SLC4A1: variants seen among roughly 807,000 people sequenced by gnomAD.
The protein encoded by SLC4A1 is solute carrier family 4 member 1 (Diego blood group), also known as band 3 anion transport protein.
A neutral mutation model predicts 93.1 loss-of-function variants in SLC4A1; 29 were observed. The observed-to-expected ratio is 0.31, with a 90% CI of 0.23 to 0.42. The LOEUF is 0.42. Ranked by LOEUF, SLC4A1 falls within the 20% of genes least tolerant of loss-of-function variation. The pLI is 1.00. For synonymous variants in SLC4A1, 469 were observed against 497.2 expected (o/e 0.94, Z 0.76); for missense variants, 965 against 1,190.1 (o/e 0.81, Z 2.78).
At chr17:44,253,691 T>C (rs909215820) in intron 16 of SLC4A1, among the ~76,000 whole-genome samples, 9 of 152,080 alleles carry the variant, frequency 5.9e-5, no homozygotes, top group Non-Finnish European at 8.8e-5. Flanking sequence ...TTCTTTTTTT[T>C]CCTAGAGTCT....
At chr17:44,253,631 A>G (rs1367167114) in intron 16 of SLC4A1, among the ~76,000 whole-genome samples, 1 of 151,382 alleles carries the variant, frequency 6.6e-6, no homozygotes, top group Non-Finnish European at 1.5e-5. Context: ...AGGCCCCTCC[A>G]AGATCCAGCA....
chr17:44,255,402 C>A, intron 14 of SLC4A1, 106 bp from the exon 15 acceptor site: 1 of 859,414 alleles, frequency 1.2e-6, no homozygotes, highest in South Asian at 1.5e-5. Context: ...CCAGGGGATC[C>A]ATCAGCATCT....
intron 7 of SLC4A1, 21 bp from the exon 8 acceptor site, chr17:44,259,602 A>G (rs750076925): frequency 6.3e-7 from 1 of 1,598,330 alleles, no homozygotes; most frequent in Non-Finnish European, 8.6e-7. Flanking sequence ...GAGGGTGGTG[A>G]CGGGAGTCCT....
chr17:44,258,894 G>A lies in SLC4A1; in HGVS notation c.876+269C>T, dbSNP rs946911868. Among the ~76,000 whole-genome samples the A allele has an allele frequency of 1.3e-5, 2 of 152,112 alleles. No individual in the cohort carries two copies. Among genetic ancestry groups the A allele is most frequent in the African/African-American group, 2.4e-5 (1 of 41,400 alleles). Reference sequence around the variant, plus strand: ...GATGAAACTAGAGCTGACTAGGCCCGACCAAGCCTGACCTGACCAGGTGGA... The same window carrying A: ...GATGAAACTAGAGCTGACTAGGCCCAACCAAGCCTGACCTGACCAGGTGGA... On this transcript the variant is annotated intron_variant, in intron 9 of 19. Transcript: ENST00000262418. This position sits in a 1 kb window ranked among gnomAD's most constrained non-coding sequence, Gnocchi z 6.1.
At position 44,259,190 on chromosome 17, in the gene SLC4A1, C is replaced by G; in HGVS notation, c.849G>C (p.Arg283=). ...APHIDYTQLG[R]AAATLMSERV... The stretch of plus-strand genomic sequence containing the variant: ...TCTCTGACATGAGGGTGGCAGCAGC[C>G]CGGCCAAGCTGGGTGTAATCGATGT... Residue 283 remains arginine, a synonymous_variant, in exon 9 of 20, where the codon CGG becomes CGC. Coordinates refer to ENST00000262418, the MANE Select transcript of SLC4A1 (RefSeq NM_000342.4). The G allele has an allele frequency of 6.2e-7, 1 of 1,614,028 alleles. No individual in the cohort carries two copies. Among genetic ancestry groups the G allele is most frequent in the South Asian group, 1.1e-5 (1 of 91,082 alleles).
chr17:44,267,953 G>T, intron 1 of SLC4A1, 101 bp downstream of exon 1: 1 of 554,304 alleles, frequency 1.8e-6, no homozygotes, highest in Non-Finnish European at 2.3e-6. Flanking sequence ...TTGGAGGTCA[G>T]GAGCCTGGCC....
At chr17:44,255,906 C>G in intron 13 of SLC4A1, 60 bp from the exon 14 acceptor site, 1 of 1,517,924 alleles carries the variant, frequency 6.6e-7, no homozygotes, top group Non-Finnish European at 9.2e-7. Context: ...CTGGAAAATA[C>G]CACCAGCTAA....
At chr17:44,266,291 C>G (rs2047495486) in intron 1 of SLC4A1, among the ~76,000 whole-genome samples, 1 of 152,210 alleles carries the variant, frequency 6.6e-6, no homozygotes, top group South Asian at 2.1e-4. Flanking sequence ...CATCTTTATT[C>G]ACTTTCTTCC....
chr17:44,268,130 C>A lies in SLC4A1; in HGVS notation c.-145G>T. 2.0e-6 allele frequency: 2 copies of A among 985,384 alleles called. No individual in the cohort carries two copies. The highest frequency in any genetic ancestry group is 1.7e-5 in the African/African-American group (1 of 57,316). 61.0% of individuals were successfully genotyped at this position (985,384 alleles called of 1,614,324 possible). On this transcript the variant is annotated 5_prime_UTR_variant, in exon 1 of 20. Coordinates refer to ENST00000262418, the MANE Select transcript of SLC4A1 (RefSeq NM_000342.4). ...CTCTGCGACCAGCTACGTTCCCACT[C>A]GTTCTGACAGCACCAGCGCCCCAGG...
chr17:44,263,174 G>A (rs1760350745), intron 1 of SLC4A1, among the ~76,000 whole-genome samples: 1 of 152,154 alleles, frequency 6.6e-6, no homozygotes, highest in Non-Finnish European at 1.5e-5. Flanking sequence ...CACCAGCGAA[G>A]GATGTTTGGG....
At chr17:44,256,337 G>T (rs1013415350) in intron 13 of SLC4A1, among the ~76,000 whole-genome samples, 1 of 152,228 alleles carries the variant, frequency 6.6e-6, no homozygotes, top group African/African-American at 2.4e-5. Flanking sequence ...GTGTGTGTGC[G>T]AGCACACATG....
chr17:44,255,289 C>T lies in SLC4A1; in HGVS notation c.1808G>A (p.Arg603Gln), dbSNP rs1029692108. ...GGGGACCCCGAAGTCCCCGATGACC[C>T]GACGCAGCTGGGGGCAGGTGAAAGG... ...NSSYFPGKLR[R>Q]VIGDFGVPIS... Residue 603 changes from arginine (R) to glutamine (Q), a missense_variant, in exon 15 of 20, where the codon CGG (arginine) becomes CAG (glutamine). Physicochemically the swap from Arg to Gln is conservative, Grantham distance 43 (BLOSUM62 1). Around this residue, in one of 2 missense-constraint regions of SLC4A1, gnomAD observed 770 missense variants for 1,006.6 expected, o/e 0.76. Transcript: ENST00000262418. The T allele has an allele frequency of 5.8e-6, 9 of 1,554,678 alleles. No individual in the cohort carries two copies. The highest frequency in any genetic ancestry group is 2.7e-5 in the African/African-American group (2 of 73,392).
chr17:44,260,477 T>C lies in SLC4A1; in HGVS notation c.412A>G (p.Arg138Gly), dbSNP rs953305379. The part of the protein sequence containing the change: ...LAGVANQLLD[R>G]FIFEDQIRPQ... ...CGGATCTGGTCTTCAAAGATAAACC[T>C]GTCTAGCAGTTGGTTGGCCACTCCA... Residue 138 changes from arginine (R) to glycine (G), a missense_variant, in exon 6 of 20, where the codon AGG becomes GGG. Physicochemically the swap from Arg to Gly is moderately radical, Grantham distance 125. This residue lies in a region of SLC4A1 where 195 missense variants were observed against 183.5 expected (regional missense o/e 1.06). Transcript: ENST00000262418. 1 of 1,614,168 alleles carries C rather than the reference T, an allele frequency of 6.2e-7. No individual in the cohort carries two copies. The highest frequency in any genetic ancestry group is 1.3e-5 in the African/African-American group (1 of 75,048).
Position 44,257,812 on chromosome 17 carries a change from G to T in SLC4A1, c.1283-5C>A, listed in dbSNP as rs772230804. 1 of 1,613,538 alleles carries T rather than the reference G, an allele frequency of 6.2e-7. No homozygotes were observed. On this transcript the variant is annotated splice_polypyrimidine_tract_variant and splice_region_variant and intron_variant, in intron 11 of 19. Coordinates refer to ENST00000262418, the MANE Select transcript of SLC4A1 (RefSeq NM_000342.4). Reference sequence around the variant, plus strand: ...TCTGGTTCCGGGTCTTTTCTCCTGTGGGTAGAGGTCACAGTGGGATCAAGG... The same window carrying T: ...TCTGGTTCCGGGTCTTTTCTCCTGTTGGTAGAGGTCACAGTGGGATCAAGG...
intron 1 of SLC4A1, among the ~76,000 whole-genome samples, chr17:44,265,962 A>G (rs1026519411): frequency 1.4e-4 from 21 of 151,562 alleles, no homozygotes; most frequent in African/African-American, 5.1e-4. Flanking sequence ...CCTGGGCAAC[A>G]GAGCGAGACT....
intron 6 of SLC4A1, 42 bp from the exon 7 acceptor site, chr17:44,259,974 G>A (rs1156756253): frequency 6.2e-7 from 1 of 1,610,612 alleles, no homozygotes; most frequent in South Asian, 1.1e-5. Flanking sequence ...AAGCTGTTCA[G>A]GCTGAGCTAT....
At position 44,257,444 on chromosome 17, in the gene SLC4A1, A is replaced by G; in HGVS notation, c.1532T>C (p.Phe511Ser). 6.2e-7 allele frequency: 1 copy of G among 1,614,126 alleles called. No individual in the cohort carries two copies. The highest frequency in any genetic ancestry group is 8.5e-7 in the Non-Finnish European group (1 of 1,180,022). ...ATAGCGGGAGATGAAGCGGACCAGGAAGCTACCCTCGAAGGCCACCACCAA... is the reference window on the plus strand; with the variant it reads ...ATAGCGGGAGATGAAGCGGACCAGGGAGCTACCCTCGAAGGCCACCACCAA... ...VVLVVAFEGSFLVRFISRYTQ... is the reference protein window; with the variant it reads ...VVLVVAFEGSSLVRFISRYTQ... The change falls in exon 13 of 20, where the codon TTC becomes TCC. Residue 511 changes from phenylalanine (F) to serine (S), a missense_variant. Coordinates refer to ENST00000262418, the MANE Select transcript of SLC4A1 (RefSeq NM_000342.4).
At chr17:44,263,707 C>CTCCTTCCCTCCCTTCCCTCCTTCCTTCCT (rs2047468555) in intron 1 of SLC4A1, among the ~76,000 whole-genome samples, 62 of 140,402 alleles carry the variant, frequency 4.4e-4, no homozygotes, top group African/African-American at 1.7e-3. Flanking sequence ...CCTCCCTTCC[C>CTCCTTCCCTCCCTTCCCTCCTTCCTTCCT]TCCTTCCTTC....
chr17:44,252,030 G>C (rs1285361979), intron 17 of SLC4A1, among the ~76,000 whole-genome samples: 1 of 147,324 alleles, frequency 6.8e-6, no homozygotes, highest in Non-Finnish European at 1.5e-5. Flanking sequence ...GCCTGGCCTG[G>C]AGCTATTCCT....
Sources: allele counts gnomAD v4.1 joint callset (sites outside exome capture counted in the v4.1 genomes callset), GRCh38; gene constraint gnomAD v4.1.1; regional missense constraint gnomAD v4.1.1; non-coding constraint Gnocchi (gnomAD v3.1); transcripts MANE v1.5; gene names NCBI Gene and HGNC (gene_info 2026-07-23, HGNC 2026-07-21).